The following ZC3H3 variants were observed in gnomAD, a reference collection of about 807,000 sequenced individuals.
The protein encoded by ZC3H3 is zinc finger CCCH-type containing 3.
Under a neutral mutation model 77.3 loss-of-function variants are expected in ZC3H3, and 36 were observed. That is an observed-to-expected ratio of 0.47 (90% CI 0.36 to 0.61). The LOEUF (loss-of-function observed/expected upper bound fraction) is 0.61, where lower values mean the gene tolerates loss of function less well. Among genes scored for constraint, ZC3H3 ranks in the 20% least tolerant of loss-of-function variants. The pLI is 0.00. For synonymous variants in ZC3H3, 626 were observed against 555.2 expected (o/e 1.13, Z -1.79); for missense variants, 1,331 against 1,312.2 (o/e 1.01, Z -0.22).
intron 9 of ZC3H3, among the ~76,000 whole-genome samples, chr8:143,457,445 A>C (rs1820150859): frequency 6.6e-6 from 1 of 152,164 alleles, no homozygotes; most frequent in Non-Finnish European, 1.5e-5. Flanking sequence ...AAAAAAAATC[A>C]CAGGAGCTGG....
chr8:143,507,788 A>AG lies in ZC3H3; in HGVS notation c.1672dup (p.Leu558ProfsTer68). ...CCGGGCCCGCCAGGAGGGCAGAGAC[A>AG]GGGGGAAGGGCGGGGCGCTGAGAGG... is the stretch of plus-strand genomic sequence containing the variant. On this transcript the variant is annotated frameshift_variant, in exon 4 of 12. Coordinates refer to ENST00000262577, the MANE Select transcript of ZC3H3 (RefSeq NM_015117.3). LOFTEE classifies it high-confidence loss of function. 1 of 1,601,786 alleles carries AG rather than the reference A, an allele frequency of 6.2e-7. No homozygotes were observed. Among genetic ancestry groups the AG allele is most frequent in the Non-Finnish European group, 8.5e-7 (1 of 1,176,048 alleles).
chr8:143,541,279 C>T (rs974972126), intron 1 of ZC3H3, 97 bp downstream of exon 1: 7 of 1,578,148 alleles, frequency 4.4e-6, no homozygotes, highest in Non-Finnish European at 6.0e-6. Flanking sequence ...CCAGAACACG[C>T]GGGCGGTGAG....
At chr8:143,501,719 G>A (rs960665516) in intron 4 of ZC3H3, among the ~76,000 whole-genome samples, 7 of 149,970 alleles carry the variant, frequency 4.7e-5, no homozygotes, top group South Asian at 2.1e-4. Flanking sequence ...CATCATGCCC[G>A]GCCCCGGGGC....
intron 8 of ZC3H3, 150 bp downstream of exon 8, chr8:143,468,059 G>C: frequency 2.1e-6 from 2 of 960,588 alleles, no homozygotes; most frequent in Non-Finnish European, 3.1e-6. Flanking sequence ...CAATGGGGTA[G>C]AGACGGTACA....
rs573900615 is a variant in ZC3H3 at position 143,519,312 on chromosome 8, G to A, written c.1562-11413C>T. ...AATGCCCTGGGGCTCCAGCCTTCGG[G>A]GCCAACACAGGGAAGGGTGGGTGAG... On this transcript the variant is annotated intron_variant, in intron 3 of 11. Coordinates refer to ENST00000262577, the MANE Select transcript of ZC3H3 (RefSeq NM_015117.3). 7.4e-4 allele frequency among the ~76,000 whole-genome samples: 112 copies of A among 152,244 alleles called. No individual in the cohort carries two copies. The South Asian group carries it at 0.013, about 18-fold the overall frequency.
At chr8:143,472,000 G>A (rs1820580071) in intron 5 of ZC3H3, among the ~76,000 whole-genome samples, 1 of 152,198 alleles carries the variant, frequency 6.6e-6, no homozygotes, top group Non-Finnish European at 1.5e-5. Flanking sequence ...GCTCTGCACA[G>A]CCCCAGGACT....
In ZC3H3 at chr8:143,538,201, G is replaced by A; in HGVS notation, c.1166C>T (p.Ser389Phe). 1 of 1,612,880 alleles carries A rather than the reference G, an allele frequency of 6.2e-7. No homozygotes were observed. Reference protein sequence around the residue: ...WKASSPSASSSSSFRWQSEAS... With the variant: ...WKASSPSASSFSSFRWQSEAS... ...CTCCGACTGCCAACGGAAGGAGGAA[G>A]AGGAGGAGGCAGAGGGGCTGGAGGC... The change falls in exon 2 of 12, where the codon TCT becomes TTT. Residue 389 changes from serine (S) to phenylalanine (F), a missense_variant. Coordinates refer to ENST00000262577, the MANE Select transcript of ZC3H3 (RefSeq NM_015117.3).
chr8:143,518,844 G>A (rs747174615), intron 3 of ZC3H3, among the ~76,000 whole-genome samples: 4 of 152,242 alleles, frequency 2.6e-5, no homozygotes, highest in Non-Finnish European at 4.4e-5. Context: ...CCCACCCAAC[G>A]GGAGCCACAG....
chr8:143,440,002 G>A (rs1819689738), intron 11 of ZC3H3, 39 bp downstream of exon 11: 2 of 1,456,486 alleles, frequency 1.4e-6, no homozygotes, highest in Non-Finnish European at 9.1e-7. Context: ...TCCTTGGTGA[G>A]GGGGGCCCTG....
chr8:143,470,424 G>A (rs1435477786), intron 5 of ZC3H3, among the ~76,000 whole-genome samples: 6 of 152,184 alleles, frequency 3.9e-5, no homozygotes, highest in Admixed American at 1.3e-4. Flanking sequence ...AGGGACCAAC[G>A]CGGGGGTGCT....
intron 3 of ZC3H3, among the ~76,000 whole-genome samples, chr8:143,528,835 G>GA (rs1302139107): frequency 3.3e-5 from 5 of 152,234 alleles, no homozygotes; most frequent in Non-Finnish European, 7.3e-5. Context: ...AGTCCTCTGG[G>GA]AGGGGGGGCG....
chr8:143,440,865 GC>G, intron 10 of ZC3H3, 70 bp downstream of exon 10: 1 of 1,324,156 alleles, frequency 7.6e-7, no homozygotes, highest in Admixed American at 3.7e-5. Flanking sequence ...CAACCAGAGG[GC>G]CCCGGGCATC....
Position 143,539,433 on chromosome 8 carries a change from G to T in ZC3H3, c.47-113C>A, listed in dbSNP as rs576726364. On this transcript the variant is annotated intron_variant, in intron 1 of 11. Transcript: ENST00000262577. ...CCCCCAGATCCCATCTCACTTCTGA[G>T]CCCCTGCCAGTTTCAGGAGGGGCAG... 9.6e-6 allele frequency: 11 copies of T among 1,144,872 alleles called. No homozygotes were observed. The East Asian group carries it at 2.3e-4, about 24-fold the overall frequency. 70.9% of individuals were successfully genotyped at this position (1,144,872 alleles called of 1,614,324 possible).
In ZC3H3 at chr8:143,520,682, C is replaced by T. The variant is rs547475814; in HGVS notation, c.1562-12783G>A. Among the ~76,000 whole-genome samples the T allele has an allele frequency of 7.2e-5, 11 of 152,344 alleles. No homozygotes were observed. In the South Asian group the frequency reaches 2.1e-3, roughly 29 times the overall value. ...ATTTGCCACAAGGTTCTAGGCCTTT[C>T]CACGTTTTGTGAGCGTCCACCTCGA... On this transcript the variant is annotated intron_variant, in intron 3 of 11. Coordinates refer to ENST00000262577, the MANE Select transcript of ZC3H3 (RefSeq NM_015117.3).
At chr8:143,510,513 C>T (rs1821839327) in intron 3 of ZC3H3, among the ~76,000 whole-genome samples, 1 of 152,248 alleles carries the variant, frequency 6.6e-6, no homozygotes, top group Non-Finnish European at 1.5e-5. Flanking sequence ...CAGCGACTGG[C>T]AGGAGCAAGG....
At chr8:143,537,062 G>T (rs1222592929) in intron 2 of ZC3H3, among the ~76,000 whole-genome samples, 1 of 152,024 alleles carries the variant, frequency 6.6e-6, no homozygotes, top group African/African-American at 2.4e-5. Flanking sequence ...CAGACGGCAG[G>T]GCACCACTGT....
chr8:143,473,022 G>A (rs994179191), intron 5 of ZC3H3, among the ~76,000 whole-genome samples: 2 of 152,214 alleles, frequency 1.3e-5, no homozygotes, highest in South Asian at 2.1e-4. Flanking sequence ...ACTGCCAGGA[G>A]CAGCCTCTGC....
At chr8:143,539,457 A>G in intron 1 of ZC3H3, 137 bp from the exon 2 acceptor site, 1 of 919,592 alleles carries the variant, frequency 1.1e-6, no homozygotes. Flanking sequence ...CAGGAGGGGC[A>G]GCCCCCAGAG....
In ZC3H3 at chr8:143,460,444, G is replaced by A. The variant is rs1487776206; in HGVS notation, c.2307+5273C>T. On this transcript the variant is annotated intron_variant, in intron 9 of 11. Transcript: ENST00000262577. The surrounding 1 kb of genome is among the most constrained non-coding windows in gnomAD (Gnocchi z 4.0). ...GTGGTGGGGAGGGTGTGGAGAAACG[G>A]GAACCCGTGCGCCGTTGCTGGGAAC... Among the ~76,000 whole-genome samples the A allele has an allele frequency of 1.3e-5, 2 of 152,050 alleles. No homozygotes were observed. Among genetic ancestry groups the A allele is most frequent in the Non-Finnish European group, 2.9e-5 (2 of 68,020 alleles).
Sources: allele counts gnomAD v4.1 joint callset (sites outside exome capture counted in the v4.1 genomes callset), GRCh38; gene constraint gnomAD v4.1.1; non-coding constraint Gnocchi (gnomAD v3.1); transcripts MANE v1.5; gene names NCBI Gene and HGNC (gene_info 2026-07-23, HGNC 2026-07-21).